Variants in SLC35F1 observed in about 807,000 individuals in gnomAD.
SLC35F1 encodes chromosome 6 open reading frame 169.
A neutral mutation model predicts 48.7 loss-of-function variants in SLC35F1; 14 were observed. The observed-to-expected ratio is 0.29, with a 90% CI of 0.19 to 0.45. The LOEUF is 0.45. Among genes scored for constraint, SLC35F1 ranks in the 20% least tolerant of loss-of-function variants. The pLI, the probability that SLC35F1 is intolerant of heterozygous loss-of-function variation, is 1.00. For missense variants in SLC35F1, 404 were observed against 500.0 expected (o/e 0.81, Z 1.83); for synonymous variants, 190 against 202.2 (o/e 0.94, Z 0.51).
At chr6:118,073,102 C>A (rs924316522) in intron 1 of SLC35F1, among the ~76,000 whole-genome samples, 4 of 152,158 alleles carry the variant, frequency 2.6e-5, no homozygotes, top group Admixed American at 6.5e-5. Flanking sequence ...ATTGTAATTC[C>A]TTTCCTAGCA....
chr6:118,305,893 A>G lies in SLC35F1; in HGVS notation c.1003-8135A>G, dbSNP rs186105819. ...CTGTATTCCCTGGTCATGGTTATTT[A>G]CCTCGTGGAGTGACTCTAAACCTTC... On this transcript the variant is annotated intron_variant, in intron 7 of 7. Coordinates refer to ENST00000360388, the MANE Select transcript of SLC35F1 (RefSeq NM_001029858.4). Among the ~76,000 whole-genome samples the G allele has an allele frequency of 9.7e-4, 148 of 152,224 alleles. 1 individual carries two copies. Among genetic ancestry groups the G allele is most frequent in the Admixed American group, 1.8e-3 (28 of 15,296 alleles).
chr6:117,929,467 G>GTT (rs1776072637), intron 1 of SLC35F1, among the ~76,000 whole-genome samples: 1 of 151,470 alleles, frequency 6.6e-6, no homozygotes, highest in African/African-American at 2.4e-5. Context: ...GTGTGTGTGT[G>GTT]TGTGTGTGTG....
chr6:118,291,759 TTAAAC>T (rs1776126031), intron 7 of SLC35F1, among the ~76,000 whole-genome samples: 1 of 152,086 alleles, frequency 6.6e-6, no homozygotes, highest in Admixed American at 6.6e-5. Flanking sequence ...AGAGGCATCT[TTAAAC>T]TAAATGAAAT....
intron 1 of SLC35F1, among the ~76,000 whole-genome samples, chr6:118,060,849 C>A (rs914465788): frequency 6.6e-6 from 1 of 152,276 alleles, no homozygotes; most frequent in South Asian, 2.1e-4. Flanking sequence ...GAGGCTCAGA[C>A]AAATTAAATA....
At chr6:117,999,097 G>C in intron 1 of SLC35F1, 1 of 1,555,424 alleles carries the variant, frequency 6.4e-7, no homozygotes, top group Non-Finnish European at 8.8e-7. Context: ...AGTTCCTGAG[G>C]AACATGCGCT....
chr6:118,047,899 C>T (rs547078162), intron 1 of SLC35F1, among the ~76,000 whole-genome samples: 1 of 152,124 alleles, frequency 6.6e-6, no homozygotes, highest in African/African-American at 2.4e-5. Flanking sequence ...ATTGCCCTGG[C>T]CAGAACTTCC....
At chr6:118,076,602 C>G (rs889983581) in intron 1 of SLC35F1, among the ~76,000 whole-genome samples, 2 of 152,158 alleles carry the variant, frequency 1.3e-5, no homozygotes, top group Non-Finnish European at 2.9e-5. Context: ...ACAAGAACAG[C>G]AAGGGGGAAG....
intron 1 of SLC35F1, among the ~76,000 whole-genome samples, chr6:117,999,873 C>T (rs1777064333): frequency 6.6e-6 from 1 of 152,048 alleles, no homozygotes; most frequent in Non-Finnish European, 1.5e-5. Context: ...TTCCTCGACA[C>T]ATATACCCTC....
chr6:118,076,409 T>G (rs1362534302), intron 1 of SLC35F1, among the ~76,000 whole-genome samples: 1 of 152,180 alleles, frequency 6.6e-6, no homozygotes, highest in Non-Finnish European at 1.5e-5. Flanking sequence ...AAAAGAGGTT[T>G]AATTGACTCA....
intron 1 of SLC35F1, among the ~76,000 whole-genome samples, chr6:117,960,628 C>T (rs950491459): frequency 3.3e-5 from 5 of 151,978 alleles, no homozygotes; most frequent in South Asian, 2.1e-4. Context: ...GAAAGAAAAG[C>T]GATTTATCTG....
chr6:118,247,338 A>C (rs1342031863), intron 3 of SLC35F1, among the ~76,000 whole-genome samples: 2 of 152,248 alleles, frequency 1.3e-5, no homozygotes, highest in South Asian at 2.1e-4. Context: ...AACTCTCATA[A>C]AGATTAATGA....
intron 7 of SLC35F1, among the ~76,000 whole-genome samples, chr6:118,297,079 C>G (rs1162147312): frequency 6.6e-6 from 1 of 152,158 alleles, no homozygotes; most frequent in Non-Finnish European, 1.5e-5. Context: ...GACTTTTTTT[C>G]AACTCTATAT....
At chr6:118,152,396 A>G (rs1271031668) in intron 1 of SLC35F1, among the ~76,000 whole-genome samples, 1 of 152,118 alleles carries the variant, frequency 6.6e-6, no homozygotes, top group African/African-American at 2.4e-5. Context: ...CATGTAACAA[A>G]CCACTGTACA....
At chr6:117,971,958 C>T (rs1190642718) in intron 1 of SLC35F1, among the ~76,000 whole-genome samples, 1 of 152,250 alleles carries the variant, frequency 6.6e-6, no homozygotes, top group Non-Finnish European at 1.5e-5. Context: ...TAACATTTGG[C>T]TCTTCATTAC....
intron 3 of SLC35F1, among the ~76,000 whole-genome samples, chr6:118,242,910 C>T (rs907064882): frequency 6.6e-5 from 10 of 152,218 alleles, no homozygotes; most frequent in African/African-American, 2.4e-4. Flanking sequence ...CCCTCTTTCA[C>T]ACAGTGCATA....
chr6:118,070,666 A>G (rs977858082), intron 1 of SLC35F1, among the ~76,000 whole-genome samples: 3 of 151,630 alleles, frequency 2.0e-5, no homozygotes, highest in Non-Finnish European at 4.4e-5. Context: ...GAATATTTCT[A>G]AATAATATGT....
chr6:118,298,751 T>C (rs1195343511), intron 7 of SLC35F1, among the ~76,000 whole-genome samples: 1 of 152,216 alleles, frequency 6.6e-6, no homozygotes, highest in Non-Finnish European at 1.5e-5. Flanking sequence ...CTCCCTTGAC[T>C]AACTTTTCAA....
chr6:118,254,242 T>G (rs986741072), intron 3 of SLC35F1, among the ~76,000 whole-genome samples: 1 of 152,160 alleles, frequency 6.6e-6, no homozygotes, highest in Non-Finnish European at 1.5e-5. Flanking sequence ...AGGCATTCAA[T>G]AAATGTCTTT....
chr6:118,182,231 A>G (rs1388126414), intron 2 of SLC35F1, among the ~76,000 whole-genome samples: 2 of 152,114 alleles, frequency 1.3e-5, no homozygotes, highest in African/African-American at 4.8e-5. Context: ...CATGCCTGTA[A>G]TCCCATCACT....
Sources: allele counts gnomAD v4.1 joint callset (sites outside exome capture counted in the v4.1 genomes callset), GRCh38; gene constraint gnomAD v4.1.1; transcripts MANE v1.5; gene names NCBI Gene and HGNC (gene_info 2026-07-23, HGNC 2026-07-21).